ANKRD12: variants seen among roughly 807,000 people sequenced by gnomAD.
ANKRD12 encodes ankyrin repeat domain-containing protein 12.
ANKRD12 carries 85 observed loss-of-function variants against 183.4 expected under a neutral mutation model. The observed-to-expected ratio is 0.46, with a 90% confidence interval of 0.39 to 0.56. The LOEUF (loss-of-function observed/expected upper bound fraction) is 0.56. Ranked by LOEUF, ANKRD12 falls within the 20% of genes least tolerant of loss-of-function variation. The pLI, the probability that ANKRD12 is intolerant of heterozygous loss-of-function variation, is 0.00. For synonymous variants in ANKRD12, 914 were observed against 800.2 expected (o/e 1.14, Z -2.40); for missense variants, 2,405 against 2,357.1 (o/e 1.02, Z -0.42).
At chr18:9,168,546 C>T (rs1286968980) in intron 1 of ANKRD12, among the ~76,000 whole-genome samples, 1 of 152,168 alleles carries the variant, frequency 6.6e-6, no homozygotes, top group Non-Finnish European at 1.5e-5. Context: ...GTTTGTATTT[C>T]TGTGGGATCG....
In ANKRD12 at chr18:9,281,653, C is replaced by T. The variant is rs976926214; in HGVS notation, c.*527C>T. The T allele has an allele frequency of 3.3e-5, 5 of 152,528 alleles. No individual in the cohort carries two copies. Among genetic ancestry groups the T allele is most frequent in the African/African-American group, 1.2e-4 (5 of 41,390 alleles). The allele number at this position is 152,528 out of a possible 1,614,324, so 9.4% of individuals were successfully genotyped here. On this transcript the variant is annotated 3_prime_UTR_variant, in exon 13 of 13. Coordinates refer to ENST00000262126, the MANE Select transcript of ANKRD12 (RefSeq NM_015208.5). ...TTCCTTTTTAATAACTTATTTTATA[C>T]ATATTGTGCAGATGTAAATCTTGTA...
At chr18:9,278,656 G>A (rs1238515739) in intron 11 of ANKRD12, among the ~76,000 whole-genome samples, 1 of 152,178 alleles carries the variant, frequency 6.6e-6, no homozygotes, top group Non-Finnish European at 1.5e-5. Context: ...AATTAGCCAG[G>A]TGTGGTGGCG....
chr18:9,204,406 T>G, intron 3 of ANKRD12, 70 bp from the exon 4 acceptor site: 1 of 1,095,618 alleles, frequency 9.1e-7, no homozygotes, highest in Non-Finnish European at 1.4e-6. Flanking sequence ...TTGAAAAATG[T>G]TGGTTTGTTG....
chr18:9,256,252 A>G lies in ANKRD12; in HGVS notation c.2985A>G (p.Glu995=). Residue 995 remains glutamate (E), a synonymous_variant, in exon 9 of 13, where the codon GAA becomes GAG. Transcript: ENST00000262126. The part of the protein sequence containing the change: ...SIVDGNKAQH[E]KPLSLKEKTK... The stretch of plus-strand genomic sequence containing the variant: ...TAGACGGTAATAAAGCACAACATGA[A>G]AAACCCTTATCCCTTAAAGAAAAAA... The G allele has an allele frequency of 6.2e-7, 1 of 1,603,434 alleles. No individual in the cohort carries two copies. Among genetic ancestry groups the G allele is most frequent in the East Asian group, 2.2e-5 (1 of 44,612 alleles).
Position 9,285,684 on chromosome 18 carries a change from C to G in ANKRD12, c.*4558C>G, listed in dbSNP as rs1302725879. 1 of 152,118 alleles carries G rather than the reference C, an allele frequency of 6.6e-6. No homozygotes were observed. Among genetic ancestry groups the G allele is most frequent in the Admixed American group, 6.6e-5 (1 of 15,256 alleles). The allele number at this position is 152,118 out of a possible 1,614,324, so 9.4% of individuals were successfully genotyped here. On this transcript the variant is annotated 3_prime_UTR_variant, in exon 13 of 13. Coordinates refer to ENST00000262126, the MANE Select transcript of ANKRD12 (RefSeq NM_015208.5). ...AACATTTTCATTACTCTAGAAAGTT[C>G]ACTCATGCCTCTCTCCAGTCACTAC...
intron 8 of ANKRD12, among the ~76,000 whole-genome samples, chr18:9,239,831 C>T (rs1029615563): frequency 2.6e-5 from 4 of 152,182 alleles, no homozygotes; most frequent in African/African-American, 9.7e-5. Context: ...TTATTAATTT[C>T]AGAACTTAAT....
chr18:9,167,199 G>A (rs550383078), intron 1 of ANKRD12, among the ~76,000 whole-genome samples: 2 of 152,230 alleles, frequency 1.3e-5, no homozygotes, highest in African/African-American at 4.8e-5. Context: ...TGGCAATGCG[G>A]GCTCTTTTTT....
In ANKRD12 at chr18:9,206,057, A is replaced by G. The variant is rs141471951; in HGVS notation, c.304+1513A>G. ...CATTATAAAACTGGAACATCTTTGTATATCTGAAGATCCTCTAAACCTTGA... is the reference window on the plus strand; with the variant it reads ...CATTATAAAACTGGAACATCTTTGTGTATCTGAAGATCCTCTAAACCTTGA... On this transcript the variant is annotated intron_variant, in intron 4 of 12. Coordinates refer to ENST00000262126, the MANE Select transcript of ANKRD12 (RefSeq NM_015208.5). Among the ~76,000 whole-genome samples the G allele has an allele frequency of 1.5e-3, 235 of 152,236 alleles. 1 individual carries two copies. The highest frequency in any genetic ancestry group is 5.1e-3 in the African/African-American group (214 of 41,584).
intron 3 of ANKRD12, among the ~76,000 whole-genome samples, chr18:9,198,455 AT>A (rs1167990337): frequency 1.3e-5 from 2 of 152,230 alleles, no homozygotes; most frequent in African/African-American, 4.8e-5. Context: ...GGTCTAAATT[AT>A]AGAAATACTT....
At chr18:9,270,272 G>C (rs1253686947) in intron 10 of ANKRD12, among the ~76,000 whole-genome samples, 30 of 152,240 alleles carry the variant, frequency 2.0e-4, no homozygotes, top group African/African-American at 4.6e-4. Context: ...GGTATATACC[G>C]AAAGGATTAT....
In ANKRD12 at chr18:9,247,459, A is replaced by G. The variant is rs529681702; in HGVS notation, c.944-6752A>G. On this transcript the variant is annotated intron_variant, in intron 8 of 12. Coordinates refer to ENST00000262126, the MANE Select transcript of ANKRD12 (RefSeq NM_015208.5). The stretch of plus-strand genomic sequence containing the variant: ...GTGCCACTGCACTCCAGCCTGGGCA[A>G]TGGACGGAGACCCTATCTAAAAAAA... Among the ~76,000 whole-genome samples the G allele has an allele frequency of 8.5e-5, 13 of 152,304 alleles. No individual in the cohort carries two copies. In the South Asian group the frequency reaches 1.5e-3, roughly 17 times the overall value.
intron 3 of ANKRD12, among the ~76,000 whole-genome samples, chr18:9,197,494 G>A (rs2034906780): frequency 6.6e-6 from 1 of 152,170 alleles, no homozygotes; most frequent in Non-Finnish European, 1.5e-5. Context: ...TGTATCTTTT[G>A]ACTTCCCAAG....
chr18:9,149,316 T>C (rs985250397), intron 1 of ANKRD12, among the ~76,000 whole-genome samples: 1 of 152,224 alleles, frequency 6.6e-6, no homozygotes, highest in South Asian at 2.1e-4. Flanking sequence ...ATATGATAGC[T>C]AAAGGAAATA....
intron 6 of ANKRD12, among the ~76,000 whole-genome samples, chr18:9,216,133 A>G (rs2144688071): frequency 6.6e-6 from 1 of 152,146 alleles, no homozygotes. Context: ...ATGAAAAAGC[A>G]AAAAAGTGAG....
intron 1 of ANKRD12, among the ~76,000 whole-genome samples, chr18:9,141,000 A>G (rs925231090): frequency 6.6e-6 from 1 of 152,106 alleles, no homozygotes; most frequent in Non-Finnish European, 1.5e-5. Flanking sequence ...AGATTTCATT[A>G]TCCTGTTTTA....
chr18:9,269,047 G>C lies in ANKRD12; in HGVS notation c.5763+5159G>C, dbSNP rs1007909823. Among the ~76,000 whole-genome samples, 14 of 152,180 alleles carry C rather than the reference G, an allele frequency of 9.2e-5. No homozygotes were observed. The East Asian group carries it at 2.3e-3, about 25-fold the overall frequency. On this transcript the variant is annotated intron_variant, in intron 10 of 12. Coordinates refer to ENST00000262126, the MANE Select transcript of ANKRD12 (RefSeq NM_015208.5). Reference sequence around the variant, plus strand: ...TGCTTCAAAGAGAATAAAATACCTAGGAATCCAACTTACAAGGGATGTGAA... The same window carrying C: ...TGCTTCAAAGAGAATAAAATACCTACGAATCCAACTTACAAGGGATGTGAA...
chr18:9,275,054 G>A (rs926072258), intron 10 of ANKRD12, among the ~76,000 whole-genome samples: 1 of 151,972 alleles, frequency 6.6e-6, no homozygotes, highest in Non-Finnish European at 1.5e-5. Context: ...AGCCAAGTGT[G>A]GTGGTCCACA....
chr18:9,210,062 G>A (rs1258820095), intron 5 of ANKRD12, among the ~76,000 whole-genome samples: 1 of 151,750 alleles, frequency 6.6e-6, no homozygotes, highest in Non-Finnish European at 1.5e-5. Flanking sequence ...TCTGCAGTTG[G>A]TCTTTTTAAG....
At position 9,205,867 on chromosome 18, in the gene ANKRD12, T is replaced by C. The variant is rs2035458784; in HGVS notation, c.304+1323T>C. Among the ~76,000 whole-genome samples, 3 of 152,132 alleles carry C rather than the reference T, an allele frequency of 2.0e-5. No homozygotes were observed. The South Asian group carries it at 6.2e-4, about 31-fold the overall frequency. ...GTGACTACTTTGTGGGAAGATGTTG[T>C]ATTCTTTAATTTTTGAGACACTAAT... On this transcript the variant is annotated intron_variant, in intron 4 of 12. Transcript: ENST00000262126.
Sources: gnomAD v4.1 joint callset for allele counts (sites outside exome capture counted in the v4.1 genomes callset) on GRCh38, gnomAD v4.1.1 for gene constraint, MANE v1.5 for transcripts, NCBI Gene and HGNC (gene_info 2026-07-23, HGNC 2026-07-21) for gene names.